APBA1: variants seen among roughly 807,000 people sequenced by gnomAD.
APBA1 encodes the protein amyloid-beta A4 precursor protein-binding family A member 1.
APBA1 carries 55 observed loss-of-function variants against 86.6 expected under a neutral mutation model. That is an observed-to-expected ratio of 0.64 (90% CI 0.51 to 0.80). The LOEUF is 0.80. APBA1 is among the 30% of genes least tolerant of loss of function. The pLI is 0.00. For synonymous variants in APBA1, 511 were observed against 493.9 expected, an observed-to-expected ratio of 1.03 and a Z score of -0.46; for missense variants, 1,090 against 1,183.0, an observed-to-expected ratio of 0.92 and a Z score of 1.15.
At chr9:69,499,434 C>G (rs970793542) in intron 2 of APBA1, among the ~76,000 whole-genome samples, 17 of 152,068 alleles carry the variant, frequency 1.1e-4, no homozygotes, top group African/African-American at 4.1e-4. Context: ...AAAATTTTGT[C>G]TGTTCAGAAC....
rs571248347 is a variant in APBA1, at chr9:69,503,218, G to A, written c.1200+12793C>T. On this transcript the variant is annotated intron_variant, in intron 2 of 12. Coordinates refer to ENST00000265381, the MANE Select transcript of APBA1 (RefSeq NM_001163.4). Reference sequence around the variant, plus strand: ...TTTGGTCAGTGAGTCATCTCTAAAGGATTCCTACTCTTGCATATTTTTCAA... The same window carrying A: ...TTTGGTCAGTGAGTCATCTCTAAAGAATTCCTACTCTTGCATATTTTTCAA... Among the ~76,000 whole-genome samples the A allele has an allele frequency of 4.5e-4, 68 of 152,140 alleles. No homozygotes were observed. The South Asian group carries it at 9.7e-3, about 22-fold the overall frequency.
chr9:69,516,414 T>C lies in APBA1; in HGVS notation c.797A>G (p.Gln266Arg). Residue 266 changes from glutamine (Q) to arginine (R), a missense_variant, in exon 2 of 13, where the codon CAG becomes CGG. Gln to Arg is a conservative substitution (Grantham distance 43). Coordinates refer to ENST00000265381, the MANE Select transcript of APBA1 (RefSeq NM_001163.4). The surrounding 1 kb of genome is among the most constrained non-coding windows in gnomAD (Gnocchi z 7.3). ...APYPRMDSYE[Q>R]EEDIDQIVAE... is the part of the protein sequence containing the mutation. ...CACTATCTGGTCGATGTCCTCCTCC[T>C]GCTCGTAGCTGTCCATGCGCGGGTA... 1 of 1,604,914 alleles carries C rather than the reference T, an allele frequency of 6.2e-7. No homozygotes were observed. Among genetic ancestry groups the C allele is most frequent in the Non-Finnish European group, 8.5e-7 (1 of 1,178,698 alleles).
intron 1 of APBA1, among the ~76,000 whole-genome samples, chr9:69,611,802 G>A (rs1382821987): frequency 1.3e-5 from 2 of 152,252 alleles, no homozygotes; most frequent in East Asian, 3.9e-4. Flanking sequence ...GGTAAAACCT[G>A]GCATAGTTGG....
In APBA1 at chr9:69,645,488, C is replaced by T. The variant is rs114831378; in HGVS notation, c.-70+26665G>A. ...CACCACTTTGTGAGTCCAGGTTGGG[C>T]GAGGCAAGATCGTCTACCTGAAGTG... On this transcript the variant is annotated intron_variant, in intron 1 of 12. Transcript: ENST00000265381. 7.6e-3 allele frequency among the ~76,000 whole-genome samples: 1,160 copies of T among 152,264 alleles called. 16 individuals carry two copies. Among genetic ancestry groups the T allele is most frequent in the African/African-American group, 0.026 (1,098 of 41,544 alleles).
chr9:69,499,441 G>A (rs1430212846), intron 2 of APBA1, among the ~76,000 whole-genome samples: 1 of 152,034 alleles, frequency 6.6e-6, no homozygotes, highest in Non-Finnish European at 1.5e-5. Context: ...TGTCTGTTCA[G>A]AACTCTGCAA....
chr9:69,456,966 G>T, intron 7 of APBA1, 87 bp downstream of exon 7: 1 of 1,152,408 alleles, frequency 8.7e-7, no homozygotes, highest in South Asian at 1.3e-5. Flanking sequence ...CTGCTCTACA[G>T]ACACATGCCT....
intron 1 of APBA1, among the ~76,000 whole-genome samples, chr9:69,540,160 A>AC (rs1564071251): frequency 1.3e-5 from 2 of 151,974 alleles, no homozygotes; most frequent in African/African-American, 4.8e-5. Context: ...CAACAACAAA[A>AC]GTCACCTTAT....
intron 1 of APBA1, among the ~76,000 whole-genome samples, chr9:69,552,907 CT>C (rs34026305): frequency 0.24 from 32,906 of 135,294 alleles, 3,568 homozygotes; most frequent in African/African-American, 0.31. Flanking sequence ...CTTTCTTGGG[CT>C]TTTTTTTTTT....
intron 2 of APBA1, among the ~76,000 whole-genome samples, chr9:69,483,522 G>A (rs1007965447): frequency 2.6e-5 from 4 of 152,034 alleles, no homozygotes; most frequent in African/African-American, 7.2e-5. Context: ...GGTGAGCATA[G>A]TGTGAAACAA....
intron 1 of APBA1, among the ~76,000 whole-genome samples, chr9:69,661,832 G>A (rs1010947846): frequency 1.3e-5 from 2 of 151,720 alleles, no homozygotes; most frequent in Non-Finnish European, 2.9e-5. Context: ...TTATCTCTTC[G>A]CACACACTCG....
At chr9:69,639,054 C>T (rs1241388359) in intron 1 of APBA1, among the ~76,000 whole-genome samples, 2 of 152,018 alleles carry the variant, frequency 1.3e-5, no homozygotes, top group Non-Finnish European at 2.9e-5. Context: ...TTTATGATAA[C>T]CTAATCCTCA....
chr9:69,589,675 C>A (rs1822089764), intron 1 of APBA1, among the ~76,000 whole-genome samples: 2 of 152,104 alleles, frequency 1.3e-5, no homozygotes. Flanking sequence ...CTGTGCCCTG[C>A]CCCCTCCTCA....
At chr9:69,563,600 A>G (rs1836980556) in intron 1 of APBA1, among the ~76,000 whole-genome samples, 1 of 152,204 alleles carries the variant, frequency 6.6e-6, no homozygotes, top group Non-Finnish European at 1.5e-5. Flanking sequence ...GTATTGGTAG[A>G]GAGTATATTA....
chr9:69,578,322 C>A (rs780388334), intron 1 of APBA1, among the ~76,000 whole-genome samples: 2 of 152,174 alleles, frequency 1.3e-5, no homozygotes, highest in African/African-American at 2.4e-5. Context: ...GCACAGCTGG[C>A]CACATGGTGG....
At chr9:69,469,983 C>T (rs527271926) in intron 4 of APBA1, among the ~76,000 whole-genome samples, 2 of 152,108 alleles carry the variant, frequency 1.3e-5, no homozygotes, top group African/African-American at 2.4e-5. Flanking sequence ...TCTGATTTGG[C>T]GCTATTCACT....
intron 10 of APBA1, among the ~76,000 whole-genome samples, chr9:69,442,987 T>C (rs1163361926): frequency 6.6e-6 from 1 of 152,112 alleles, no homozygotes; most frequent in Non-Finnish European, 1.5e-5. Context: ...CTTCTTGGAG[T>C]GGCAGAAATG....
At chr9:69,483,120 A>T (rs1238902990) in intron 2 of APBA1, among the ~76,000 whole-genome samples, 3 of 145,064 alleles carry the variant, frequency 2.1e-5, no homozygotes, top group Non-Finnish European at 4.5e-5. Flanking sequence ...AAAGTATAAT[A>T]AAAAAAAAAT....
At chr9:69,599,892 T>C (rs1291618565) in intron 1 of APBA1, among the ~76,000 whole-genome samples, 1 of 152,228 alleles carries the variant, frequency 6.6e-6, no homozygotes, top group African/African-American at 2.4e-5. Flanking sequence ...AGTAAGTTTC[T>C]TTCTGGGGCT....
At chr9:69,441,984 G>A (rs766090604) in intron 10 of APBA1, among the ~76,000 whole-genome samples, 18 of 152,202 alleles carry the variant, frequency 1.2e-4, no homozygotes, top group African/African-American at 1.7e-4. Context: ...AAGCCCTGGT[G>A]TGCTCAGAAG....
Sources: gnomAD v4.1 joint callset for allele counts (sites outside exome capture counted in the v4.1 genomes callset) on GRCh38, gnomAD v4.1.1 for gene constraint, Gnocchi (gnomAD v3.1) non-coding constraint, MANE v1.5 for transcripts, NCBI Gene and HGNC (gene_info 2026-07-23, HGNC 2026-07-21) for gene names.